Variants in ZNF254 observed in about 807,000 individuals in gnomAD.
ZNF254 encodes zinc finger protein 254.
A neutral mutation model predicts 12.4 loss-of-function variants in ZNF254; 10 were observed. The ratio of observed to expected loss-of-function variants is 0.80; its 90% CI spans 0.50 to 1.36. The LOEUF (loss-of-function observed/expected upper bound fraction) is 1.36. ZNF254 is among the 40% of genes most tolerant of loss of function. The pLI is 0.00. For synonymous variants in ZNF254, 305 were observed against 253.4 expected (o/e 1.20, Z -1.93); for missense variants, 996 against 763.9 (o/e 1.30, Z -3.58).
chr19:24,112,418 G>A (rs1973743673), intron 3 of ZNF254, among the ~76,000 whole-genome samples: 1 of 147,064 alleles, frequency 6.8e-6, no homozygotes, highest in African/African-American at 2.5e-5. Flanking sequence ...GCTTAGGAGT[G>A]ACTTGGTGAT....
At chr19:24,084,168 A>G (rs1971945307), upstream of ZNF254, among the ~76,000 whole-genome samples, 1 of 147,866 alleles carries the variant, frequency 6.8e-6, no homozygotes, top group South Asian at 2.1e-4. Flanking sequence ...ATATATATAA[A>G]TAATATATAA....
At position 24,126,861 on chromosome 19, in the gene ZNF254, T is replaced by A. The variant is rs773271496; in HGVS notation, c.861T>A (p.Ile287=). 1 of 1,613,532 alleles carries A rather than the reference T, an allele frequency of 6.2e-7. No individual in the cohort carries two copies. The highest frequency in any genetic ancestry group is 1.1e-5 in the South Asian group (1 of 91,046). The change falls in exon 4 of 4, where the codon ATT becomes ATA. Residue 287 remains isoleucine, a synonymous_variant. Transcript: ENST00000357002. ...CAAATCTTACTACACATAAGATAAT[T>A]CATACTGGAGAGAAACCTTACAAGT... ...RSSNLTTHKI[I]HTGEKPYKCE...
chr19:24,043,036 G>T (rs1970237569), intron 1 of ZNF254, among the ~76,000 whole-genome samples: 2 of 151,866 alleles, frequency 1.3e-5, no homozygotes, highest in African/African-American at 4.8e-5. Context: ...TTTGCTTATA[G>T]CTTGCTTTGG....
chr19:24,109,335 C>G (rs1336099205), intron 3 of ZNF254, among the ~76,000 whole-genome samples: 1 of 152,106 alleles, frequency 6.6e-6, no homozygotes, highest in African/African-American at 2.4e-5. Context: ...TGCACAGTTA[C>G]AGTCAAACAT....
At chr19:24,043,558 G>C (rs1419965169) in intron 1 of ZNF254, among the ~76,000 whole-genome samples, 3 of 151,904 alleles carry the variant, frequency 2.0e-5, no homozygotes, top group Non-Finnish European at 4.4e-5. Flanking sequence ...CACTGTGCCC[G>C]GCCAAAGCAA....
intron 2 of ZNF254, among the ~76,000 whole-genome samples, chr19:24,067,191 G>A (rs1304034054): frequency 1.3e-5 from 2 of 151,702 alleles, no homozygotes; most frequent in Non-Finnish European, 2.9e-5. Flanking sequence ...TTTTCTGCCC[G>A]TCAACTATTT....
chr19:24,082,670 C>A (rs1170882243), upstream of ZNF254, among the ~76,000 whole-genome samples: 4 of 141,288 alleles, frequency 2.8e-5, no homozygotes, highest in African/African-American at 2.6e-5. Context: ...AAAAAAAAAA[C>A]CCAAAAAACT....
At chr19:24,122,397 G>T (rs1212003346) in intron 3 of ZNF254, among the ~76,000 whole-genome samples, 1 of 151,882 alleles carries the variant, frequency 6.6e-6, no homozygotes, top group African/African-American at 2.4e-5. Flanking sequence ...GCTAATTTTT[G>T]TATTTTTATT....
At chr19:24,111,559 A>G (rs1973682975) in intron 3 of ZNF254, among the ~76,000 whole-genome samples, 1 of 152,250 alleles carries the variant, frequency 6.6e-6, no homozygotes, top group Admixed American at 6.5e-5. Context: ...ACTAGTTGAC[A>G]GTCCCACCAA....
At chr19:24,090,489 C>G (rs140294952) in intron 1 of ZNF254, among the ~76,000 whole-genome samples, 3 of 151,796 alleles carry the variant, frequency 2.0e-5, no homozygotes, top group African/African-American at 7.3e-5. Context: ...CAGGCTGGAG[C>G]GCAGTGGTAC....
intron 1 of ZNF254, among the ~76,000 whole-genome samples, chr19:24,091,332 C>A (rs1972371996): frequency 6.7e-6 from 1 of 150,286 alleles, no homozygotes; most frequent in African/African-American, 2.5e-5. Flanking sequence ...AAAAAAAAAT[C>A]TCTCTTCAAT....
rs150206776 is a variant in ZNF254, at chr19:24,035,830, TAGAC to T, written c.-190+2212_-190+2215del. The stretch of plus-strand genomic sequence containing the variant: ...TTTATAAGGCAAAAAAATAGCAATT[TAGAC>T]AGTCTGTGGCTTCATAATATCAAAA... On this transcript the variant is annotated intron_variant, in intron 1 of 4. Coordinates refer to the ZNF254 transcript ENST00000613065. 7.9e-3 allele frequency among the ~76,000 whole-genome samples: 1,202 copies of T among 152,306 alleles called. 45 individuals are homozygous for T. Among genetic ancestry groups the T allele is most frequent in the Admixed American group, 0.059 (898 of 15,292 alleles).
intron 2 of ZNF254, among the ~76,000 whole-genome samples, chr19:24,071,962 T>C (rs1054015422): frequency 2.6e-5 from 4 of 152,168 alleles, no homozygotes; most frequent in African/African-American, 9.6e-5. Flanking sequence ...AAAAATTGTA[T>C]ATATTGAAAT....
chr19:24,079,856 T>A (rs960427599), intron 2 of ZNF254: 2 of 152,110 alleles, frequency 1.3e-5, no homozygotes, highest in Non-Finnish European at 2.9e-5. Context: ...TGGTCACTTG[T>A]TTGTTGAAAG....
At chr19:24,051,144 C>G (rs1011341197) in intron 2 of ZNF254, among the ~76,000 whole-genome samples, 1 of 151,964 alleles carries the variant, frequency 6.6e-6, no homozygotes, top group Non-Finnish European at 1.5e-5. Flanking sequence ...TCTCTGAGAC[C>G]GTTAATTAGG....
Position 24,048,490 on chromosome 19 carries a change from C to T in ZNF254, c.-94+2211C>T, listed in dbSNP as rs534004716. On this transcript the variant is annotated intron_variant, in intron 2 of 4. Transcript: ENST00000613065. ...GGGGACCAGATGGTTCTCGCCAGTG[C>T]AGTACCGCTTAGGTCCACCAGAAAA... 4.6e-5 allele frequency among the ~76,000 whole-genome samples: 7 copies of T among 152,336 alleles called. No homozygotes were observed. The East Asian group carries it at 1.4e-3, about 29-fold the overall frequency.
chr19:24,121,442 C>T (rs1457751024), intron 3 of ZNF254, among the ~76,000 whole-genome samples: 1 of 152,112 alleles, frequency 6.6e-6, no homozygotes, highest in Non-Finnish European at 1.5e-5. Flanking sequence ...TTGTGCATGA[C>T]AATATTTAAC....
chr19:24,104,802 T>C (rs1973237065), intron 1 of ZNF254: 1 of 152,228 alleles, frequency 6.6e-6, no homozygotes, highest in Non-Finnish European at 1.5e-5. Flanking sequence ...GAATATGTAA[T>C]GTTGAGGTTC....
chr19:24,037,594 C>T lies in ZNF254; in HGVS notation c.-190+3973C>T, dbSNP rs183605153. Among the ~76,000 whole-genome samples, 346 of 151,828 alleles carry T rather than the reference C, an allele frequency of 2.3e-3. 1 individual carries two copies. The highest frequency in any genetic ancestry group is 7.2e-3 in the African/African-American group (299 of 41,400). On this transcript the variant is annotated intron_variant, in intron 1 of 4. Transcript: ENST00000613065. Reference sequence around the variant, plus strand: ...GATAACAGGCGTGCACTACAATGCCCGGCTAATTGTTTTTTTATTTTTTAT... The same window carrying T: ...GATAACAGGCGTGCACTACAATGCCTGGCTAATTGTTTTTTTATTTTTTAT...
Sources: gnomAD v4.1 joint callset for allele counts (sites outside exome capture counted in the v4.1 genomes callset) on GRCh38, gnomAD v4.1.1 for gene constraint, MANE v1.5 for transcripts, NCBI Gene and HGNC (gene_info 2026-07-23, HGNC 2026-07-21) for gene names.